The following CCDC186 variants were observed in gnomAD, a reference collection of about 807,000 sequenced individuals.
The protein encoded by CCDC186 is coiled-coil domain containing 186, also known as coiled-coil domain-containing protein 186.
CCDC186 carries 49 observed loss-of-function variants against 113.7 expected under a neutral mutation model. That is an observed-to-expected ratio of 0.43 (90% confidence interval 0.34 to 0.55). The LOEUF is 0.55. Among genes scored for constraint, CCDC186 ranks in the 20% least tolerant of loss-of-function variants. The pLI, the probability that CCDC186 is intolerant of heterozygous loss-of-function variation, is 0.02. For missense variants in CCDC186, 890 were observed against 1,011.1 expected (o/e 0.88, Z 1.62); for synonymous variants, 355 against 345.8 (o/e 1.03, Z -0.30).
chr10:114,128,638 T>C (rs1215376419), intron 13 of CCDC186, among the ~76,000 whole-genome samples: 4 of 152,126 alleles, frequency 2.6e-5, no homozygotes, highest in African/African-American at 9.7e-5. Context: ...CACATGAATT[T>C]TTTGCAGGGT....
chr10:114,150,187 A>T (rs1235612007), intron 4 of CCDC186, among the ~76,000 whole-genome samples: 1 of 152,206 alleles, frequency 6.6e-6, no homozygotes, highest in African/African-American at 2.4e-5. Context: ...TAACCCTTTC[A>T]GATTCAATTC....
chr10:114,158,823 C>T (rs1025509508), intron 2 of CCDC186, among the ~76,000 whole-genome samples: 2 of 152,186 alleles, frequency 1.3e-5, no homozygotes, highest in Non-Finnish European at 2.9e-5. Flanking sequence ...CTTCCAAAGC[C>T]CCAGGCCTTT....
chr10:114,135,551 TC>T (rs1199814862), intron 9 of CCDC186, among the ~76,000 whole-genome samples: 1 of 152,186 alleles, frequency 6.6e-6, no homozygotes, highest in Non-Finnish European at 1.5e-5. Flanking sequence ...AATATAGCCT[TC>T]CTGTTATTTT....
chr10:114,137,241 T>C lies in CCDC186; in HGVS notation c.1271A>G (p.Lys424Arg), dbSNP rs768320158. 6.2e-7 allele frequency: 1 copy of C among 1,613,854 alleles called. No individual in the cohort carries two copies. The highest frequency in any genetic ancestry group is 8.5e-7 in the Non-Finnish European group (1 of 1,179,982). Residue 424 changes from lysine to arginine, a missense_variant, in exon 7 of 16, where the codon AAG (lysine) becomes AGG (arginine). Transcript: ENST00000369287. ...TTTTCGTATCTGATCTGCTTCTTCC[T>C]TTGCTTGTGTTAATTTTGTTGTTGT... is the stretch of plus-strand genomic sequence containing the variant. The part of the protein sequence containing the change: ...KETTTKLTQA[K>R]EEADQIRKNC...
chr10:114,126,356 T>C (rs1443635722), intron 14 of CCDC186, among the ~76,000 whole-genome samples: 1 of 152,188 alleles, frequency 6.6e-6, no homozygotes, highest in Non-Finnish European at 1.5e-5. Flanking sequence ...AAAGTTGAGC[T>C]TTTTTGTTTG....
Position 114,132,142 on chromosome 10 carries a change from A to G in CCDC186, c.1698T>C (p.Ser566=). The G allele has an allele frequency of 1.2e-6, 2 of 1,607,274 alleles. No homozygotes were observed. Among genetic ancestry groups the G allele is most frequent in the Non-Finnish European group, 1.7e-6 (2 of 1,177,086 alleles). ...EIENLKEEVE[S]LNSLINDLQK... The stretch of plus-strand genomic sequence containing the variant: ...GTAGGTCATTAATCAAAGAATTAAG[A>G]CTTTCCACTTCTTCTTTCAAATTTT... The change falls in exon 11 of 16, where the codon AGT becomes AGC. Residue 566 remains serine, a synonymous_variant. Transcript: ENST00000369287.
chr10:114,151,196 T>C lies in CCDC186; in HGVS notation c.784A>G (p.Asn262Asp). 6.3e-7 allele frequency: 1 copy of C among 1,580,484 alleles called. No homozygotes were observed. The highest frequency in any genetic ancestry group is 8.7e-7 in the Non-Finnish European group (1 of 1,150,928). ...KQLESRIEELNKEVKASRDQL... is the reference protein window; with the variant it reads ...KQLESRIEELDKEVKASRDQL... ...TCTCTGGAAGCTTTAACTTCTTTATTAAGTTCTTCTATTCTTGATTCTAAC... is the reference window on the plus strand; with the variant it reads ...TCTCTGGAAGCTTTAACTTCTTTATCAAGTTCTTCTATTCTTGATTCTAAC... The change falls in exon 4 of 16, where the codon AAT (asparagine) becomes GAT (aspartate). Residue 262 changes from asparagine to aspartate, a missense_variant. Coordinates refer to ENST00000369287, the MANE Select transcript of CCDC186 (RefSeq NM_018017.4).
chr10:114,162,704 G>A lies in CCDC186; in HGVS notation c.565C>T (p.His189Tyr), dbSNP rs2032211069. Residue 189 changes from histidine (H) to tyrosine (Y), a missense_variant, in exon 2 of 16, where the codon CAT (histidine) becomes TAT (tyrosine). Transcript: ENST00000369287. ...RVPNGMNKGE[H>Y]ALVLFEKCVQ... ...CACTTTTCAAACAGAACTAATGCAT[G>A]TTCTCCCTTATTCATTCCATTTGGT... The A allele has an allele frequency of 8.1e-6, 13 of 1,612,536 alleles. No individual in the cohort carries two copies. The highest frequency in any genetic ancestry group is 1.3e-5 in the African/African-American group (1 of 74,916).
In CCDC186 at chr10:114,121,711, C is replaced by A. The variant is rs2030729367; in HGVS notation, c.*3432G>T. The A allele has an allele frequency of 6.6e-6, 1 of 152,126 alleles. No homozygotes were observed. Among genetic ancestry groups the A allele is most frequent in the Non-Finnish European group, 1.5e-5 (1 of 68,034 alleles). The allele number at this position is 152,126 out of a possible 1,614,324, so 9.4% of individuals were successfully genotyped here. On this transcript the variant is annotated 3_prime_UTR_variant, in exon 16 of 16. Coordinates refer to ENST00000369287, the MANE Select transcript of CCDC186 (RefSeq NM_018017.4). ...ACGAGTGAGATTTCTGGGCCACTTGCACAAGTAGATAAACCCTCTTCTCAG... is the reference window on the plus strand; with the variant it reads ...ACGAGTGAGATTTCTGGGCCACTTGAACAAGTAGATAAACCCTCTTCTCAG...
At chr10:114,153,947 T>C (rs1199646349) in intron 3 of CCDC186, among the ~76,000 whole-genome samples, 1 of 147,688 alleles carries the variant, frequency 6.8e-6, no homozygotes, top group East Asian at 2.1e-4. Flanking sequence ...AAGTGGCTCA[T>C]GCCTGTAATC....
chr10:114,162,227 TAATC>T (rs1564917984), intron 2 of CCDC186: 1 of 155,020 alleles, frequency 6.5e-6, no homozygotes, highest in Non-Finnish European at 1.4e-5. Flanking sequence ...TACTGAACGA[TAATC>T]AATTATTCTG....
At chr10:114,168,902 C>G (rs775792820) in intron 1 of CCDC186, among the ~76,000 whole-genome samples, 2 of 152,180 alleles carry the variant, frequency 1.3e-5, no homozygotes, top group Non-Finnish European at 2.9e-5. Context: ...ACAAACTAGT[C>G]TCATGCAAAG....
intron 2 of CCDC186, 146 bp from the exon 3 acceptor site, chr10:114,157,826 T>C (rs1218381664): frequency 1.5e-6 from 1 of 661,218 alleles, no homozygotes; most frequent in Non-Finnish European, 2.3e-6. Flanking sequence ...AATAATCATT[T>C]TATAGTGAAA....
rs760384036 is a variant in CCDC186, at chr10:114,162,663, A to G, written c.606T>C (p.Tyr202=). 9.5e-6 allele frequency: 15 copies of G among 1,579,496 alleles called. No homozygotes were observed. The East Asian group carries it at 3.2e-4, about 33-fold the overall frequency. Residue 202 remains tyrosine, a synonymous_variant, in exon 2 of 16, where the codon TAT becomes TAC. Coordinates refer to ENST00000369287, the MANE Select transcript of CCDC186 (RefSeq NM_018017.4). ...VLFEKCVQDK[Y]LQQEHIIKKL... ...TTTTTATGATATGTTCCTGCTGCAA[A>G]TATTTATCTTGCACACACTTTTCAA...
At chr10:114,147,154 G>C (rs969725608) in intron 4 of CCDC186, among the ~76,000 whole-genome samples, 6 of 152,134 alleles carry the variant, frequency 3.9e-5, no homozygotes, top group African/African-American at 1.2e-4. Context: ...AAAGTCAATA[G>C]CTCAATGTCA....
chr10:114,133,933 A>C (rs556524303), intron 10 of CCDC186, among the ~76,000 whole-genome samples: 31 of 152,318 alleles, frequency 2.0e-4, no homozygotes, highest in African/African-American at 7.5e-4. Flanking sequence ...ATTATGTTTA[A>C]ATGTAGAAAG....
Position 114,151,093 on chromosome 10 carries a change from T to C in CCDC186, c.887A>G (p.Gln296Arg), listed in dbSNP as rs1268408597. ...LHKEMAQRME[Q>R]ANKKCEEARQ... ...TAATGACAACGATGTGAGAAATACC[T>C]GTTCCATCCGTTGGGCCATCTCTTT... Residue 296 changes from glutamine (Q) to arginine (R), a missense_variant and splice_region_variant, in exon 4 of 16, where the codon CAG (glutamine) becomes CGG (arginine). By Grantham distance (43) the Gln-to-Arg change is conservative. Coordinates refer to ENST00000369287, the MANE Select transcript of CCDC186 (RefSeq NM_018017.4). 1 of 1,612,134 alleles carries C rather than the reference T, an allele frequency of 6.2e-7. No individual in the cohort carries two copies. Among genetic ancestry groups the C allele is most frequent in the South Asian group, 1.1e-5 (1 of 90,512 alleles).
intron 1 of CCDC186, among the ~76,000 whole-genome samples, chr10:114,167,008 C>G (rs1438927195): frequency 1.4e-5 from 2 of 147,790 alleles, no homozygotes; most frequent in Non-Finnish European, 3.0e-5. Flanking sequence ...ACTTAGCTTG[C>G]AAGCTGGTTT....
chr10:114,167,531 T>C (rs1260601094), intron 1 of CCDC186, among the ~76,000 whole-genome samples: 1 of 152,036 alleles, frequency 6.6e-6, no homozygotes, highest in Non-Finnish European at 1.5e-5. Context: ...GCCAATTTGG[T>C]TGCTGTCCAA....
Sources: allele counts gnomAD v4.1 joint callset (sites outside exome capture counted in the v4.1 genomes callset), GRCh38; gene constraint gnomAD v4.1.1; transcripts MANE v1.5; gene names NCBI Gene and HGNC (gene_info 2026-07-23, HGNC 2026-07-21).